CPQ: variants seen among roughly 807,000 people sequenced by gnomAD.
CPQ encodes carboxypeptidase Q.
CPQ carries 37 observed loss-of-function variants against 45.7 expected under a neutral mutation model. That is an observed-to-expected ratio of 0.81 (90% CI 0.62 to 1.07). CPQ has a LOEUF of 1.07. Among genes scored for constraint, CPQ ranks in the 50% least tolerant of loss-of-function variants. The pLI is 0.00. For missense variants in CPQ, 537 were observed against 572.9 expected, an observed-to-expected ratio of 0.94 and a Z score of 0.64; for synonymous variants, 186 against 205.8, an observed-to-expected ratio of 0.90 and a Z score of 0.82.
intron 7 of CPQ, among the ~76,000 whole-genome samples, chr8:97,125,155 A>T (rs1203267976): frequency 6.6e-6 from 1 of 152,172 alleles, no homozygotes; most frequent in Admixed American, 6.5e-5. Context: ...GATGACATGC[A>T]TAAATTCCTT....
chr8:96,925,855 A>G (rs916722635), intron 4 of CPQ, among the ~76,000 whole-genome samples: 1 of 149,270 alleles, frequency 6.7e-6, no homozygotes, highest in African/African-American at 2.5e-5. Flanking sequence ...ACGCCCAGCT[A>G]ATTTTTTGTA....
intron 7 of CPQ, among the ~76,000 whole-genome samples, chr8:97,114,212 G>A (rs1811545652): frequency 6.6e-6 from 1 of 152,194 alleles, no homozygotes; most frequent in Non-Finnish European, 1.5e-5. Flanking sequence ...GAGGAAACCA[G>A]GGGTATGTTT....
At chr8:96,939,395 T>C (rs2130321023) in intron 4 of CPQ, among the ~76,000 whole-genome samples, 1 of 152,324 alleles carries the variant, frequency 6.6e-6, no homozygotes, top group South Asian at 2.1e-4. Context: ...ACCAGTATGC[T>C]AGCTGGGGGT....
At chr8:96,713,760 G>A (rs1048768991) in intron 1 of CPQ, among the ~76,000 whole-genome samples, 3 of 152,076 alleles carry the variant, frequency 2.0e-5, no homozygotes, top group African/African-American at 2.4e-5. Flanking sequence ...GCTTTCAAGA[G>A]GTCTATTATG....
intron 2 of CPQ, among the ~76,000 whole-genome samples, chr8:96,824,782 A>G (rs1191471389): frequency 6.6e-6 from 1 of 152,078 alleles, no homozygotes; most frequent in Admixed American, 6.6e-5. Context: ...GTAGCTCATC[A>G]AAAGCTTATT....
intron 2 of CPQ, among the ~76,000 whole-genome samples, chr8:96,814,491 A>G (rs1314306742): frequency 6.6e-6 from 1 of 152,190 alleles, no homozygotes; most frequent in Admixed American, 6.5e-5. Flanking sequence ...AAAGCAATCT[A>G]TTTGCCTTGG....
intron 1 of CPQ, among the ~76,000 whole-genome samples, chr8:96,646,287 T>C (rs939681297): frequency 3.9e-5 from 6 of 152,128 alleles, no homozygotes; most frequent in Non-Finnish European, 8.8e-5. Flanking sequence ...TAAAACAAAA[T>C]ATGCCTAGGT....
chr8:96,973,896 A>AAT (rs1813726778), intron 5 of CPQ, among the ~76,000 whole-genome samples: 1 of 152,208 alleles, frequency 6.6e-6, no homozygotes, highest in Non-Finnish European at 1.5e-5. Context: ...AAATCCTTGA[A>AAT]ATATACCAAA....
chr8:97,093,219 G>A (rs1811153923), intron 7 of CPQ, among the ~76,000 whole-genome samples: 1 of 152,174 alleles, frequency 6.6e-6, no homozygotes, highest in South Asian at 2.1e-4. Context: ...CACTGCTGGT[G>A]GGAATGTAAA....
chr8:96,842,697 A>T (rs1007722315), intron 3 of CPQ, among the ~76,000 whole-genome samples: 4 of 152,156 alleles, frequency 2.6e-5, no homozygotes, highest in Non-Finnish European at 4.4e-5. Flanking sequence ...TTATTGTATC[A>T]GGTAGTGTGA....
intron 7 of CPQ, chr8:97,132,729 G>A (rs1563590252): frequency 6.6e-6 from 1 of 152,166 alleles, no homozygotes; most frequent in African/African-American, 2.4e-5. Flanking sequence ...CTCATGGTGT[G>A]CTCTGTCAGA....
At chr8:96,891,325 A>T (rs535273293) in intron 4 of CPQ, among the ~76,000 whole-genome samples, 1 of 152,252 alleles carries the variant, frequency 6.6e-6, no homozygotes, top group South Asian at 2.1e-4. Flanking sequence ...GTCCAATATA[A>T]TCGACCTGCC....
At chr8:97,102,960 G>A (rs1489049242) in intron 7 of CPQ, among the ~76,000 whole-genome samples, 2 of 152,150 alleles carry the variant, frequency 1.3e-5, no homozygotes, top group African/African-American at 4.8e-5. Context: ...CAGAGTGTCT[G>A]AGGGGAGAAT....
At chr8:96,846,231 T>C (rs528654922) in intron 3 of CPQ, among the ~76,000 whole-genome samples, 1 of 152,358 alleles carries the variant, frequency 6.6e-6, no homozygotes, top group South Asian at 2.1e-4. Flanking sequence ...TTGGCAGATA[T>C]GTATTGGTAT....
chr8:96,737,582 C>T (rs1242750547), intron 1 of CPQ, among the ~76,000 whole-genome samples: 1 of 151,870 alleles, frequency 6.6e-6, no homozygotes, highest in Non-Finnish European at 1.5e-5. Flanking sequence ...TTTATATTTG[C>T]TGGAAGCTCA....
intron 7 of CPQ, among the ~76,000 whole-genome samples, chr8:97,096,459 T>C (rs1420459939): frequency 6.6e-6 from 1 of 152,192 alleles, no homozygotes; most frequent in South Asian, 2.1e-4. Context: ...GGAAATAAGA[T>C]ATGAACCTCC....
chr8:96,802,402 C>G (rs1811018887), intron 2 of CPQ, among the ~76,000 whole-genome samples: 1 of 152,142 alleles, frequency 6.6e-6, no homozygotes, highest in African/African-American at 2.4e-5. Context: ...TGATGCATTT[C>G]ACATTGAAAG....
intron 4 of CPQ, among the ~76,000 whole-genome samples, chr8:96,916,240 T>C (rs1222330837): frequency 6.6e-6 from 1 of 152,170 alleles, no homozygotes; most frequent in Admixed American, 6.5e-5. Flanking sequence ...TAATACAGCC[T>C]CCATCTTCCA....
intron 6 of CPQ, among the ~76,000 whole-genome samples, chr8:97,041,432 A>T (rs1810123486): frequency 6.6e-6 from 1 of 152,346 alleles, no homozygotes; most frequent in East Asian, 1.9e-4. Context: ...ACCTGCAAAC[A>T]GGGACAATTT....
Sources: allele counts gnomAD v4.1 joint callset (sites outside exome capture counted in the v4.1 genomes callset), GRCh38; gene constraint gnomAD v4.1.1; transcripts MANE v1.5; gene names NCBI Gene and HGNC (gene_info 2026-07-23, HGNC 2026-07-21).